The following PCDH15 variants were observed in gnomAD, a reference collection of about 807,000 sequenced individuals.
The protein encoded by PCDH15 is protocadherin related 15.
A neutral mutation model predicts 178.5 loss-of-function variants in PCDH15; 129 were observed. The ratio of observed to expected loss-of-function variants is 0.72; its 90% CI spans 0.63 to 0.84. PCDH15 has a LOEUF of 0.84. Among genes scored for constraint, PCDH15 ranks in the 40% least tolerant of loss-of-function variants. PCDH15 has a pLI of 0.00. For missense variants in PCDH15, 2,230 were observed against 2,099.9 expected (o/e 1.06, Z -1.21); for synonymous variants, 800 against 732.0 (o/e 1.09, Z -1.50).
At chr10:53,994,277 A>G (rs2091708256) in intron 21 of PCDH15, among the ~76,000 whole-genome samples, 1 of 152,138 alleles carries the variant, frequency 6.6e-6, no homozygotes, top group Non-Finnish European at 1.5e-5. Flanking sequence ...GCGACTTTTA[A>G]TCTCTCATCA....
At chr10:54,239,615 A>T (rs1338085618) in intron 8 of PCDH15, among the ~76,000 whole-genome samples, 1 of 152,036 alleles carries the variant, frequency 6.6e-6, no homozygotes, top group Non-Finnish European at 1.5e-5. Flanking sequence ...CATAGCCCGT[A>T]CTATTTGTTT....
intron 2 of PCDH15, among the ~76,000 whole-genome samples, chr10:54,927,072 A>T (rs1345984393): frequency 6.6e-6 from 1 of 151,994 alleles, no homozygotes; most frequent in Non-Finnish European, 1.5e-5. Context: ...TGATGTGAGC[A>T]TTTAGTACTA....
chr10:54,565,546 T>G (rs1438603048), intron 2 of PCDH15, among the ~76,000 whole-genome samples: 2 of 152,176 alleles, frequency 1.3e-5, no homozygotes, highest in Non-Finnish European at 2.9e-5. Flanking sequence ...TATTTCTGAA[T>G]GATGAAGACA....
chr10:54,503,366 T>C (rs539462868), intron 3 of PCDH15, among the ~76,000 whole-genome samples: 1 of 149,522 alleles, frequency 6.7e-6, no homozygotes, highest in Non-Finnish European at 1.5e-5. Flanking sequence ...AGAATATGTT[T>C]AATACGACAG....
intron 3 of PCDH15, among the ~76,000 whole-genome samples, chr10:54,433,681 A>G (rs933898694): frequency 5.3e-5 from 8 of 152,194 alleles, no homozygotes; most frequent in Admixed American, 5.2e-4. Flanking sequence ...AAATTTAAAA[A>G]TAACTAAAAA....
intron 2 of PCDH15, among the ~76,000 whole-genome samples, chr10:55,544,016 T>C (rs935936122): frequency 1.3e-5 from 2 of 150,708 alleles, no homozygotes; most frequent in Non-Finnish European, 3.0e-5. Flanking sequence ...GTATAAATAA[T>C]TGAGTCACTG....
rs537164325 is a variant in PCDH15, at chr10:55,177,086, G to C, written c.-155-10435C>G. On this transcript the variant is annotated intron_variant, in intron 1 of 5. Coordinates refer to the PCDH15 transcript ENST00000458638. Reference sequence around the variant, plus strand: ...CAAAATTTAAGGCTCGGCTCTATCAGACTTCAGTGAAGTACTTAGGTTTAG... The same window carrying C: ...CAAAATTTAAGGCTCGGCTCTATCACACTTCAGTGAAGTACTTAGGTTTAG... Among the ~76,000 whole-genome samples the C allele has an allele frequency of 9.9e-5, 15 of 152,282 alleles. No individual in the cohort carries two copies. In the South Asian group the frequency reaches 2.9e-3, roughly 29 times the overall value.
intron 1 of PCDH15, among the ~76,000 whole-genome samples, chr10:55,169,727 AT>A (rs1298148836): frequency 1.3e-5 from 2 of 152,216 alleles, no homozygotes; most frequent in Non-Finnish European, 2.9e-5. Flanking sequence ...GGTTGTAGGC[AT>A]TTATATTACT....
intron 2 of PCDH15, among the ~76,000 whole-genome samples, chr10:55,524,203 A>C (rs1029761487): frequency 2.0e-5 from 3 of 151,680 alleles, no homozygotes; most frequent in Admixed American, 6.6e-5. Context: ...TATAGAGTAA[A>C]TAATTCGGAA....
chr10:54,520,599 C>G (rs1177413498), intron 3 of PCDH15, among the ~76,000 whole-genome samples: 2 of 152,108 alleles, frequency 1.3e-5, no homozygotes, highest in East Asian at 1.9e-4. Context: ...AACAGGAACA[C>G]TTTTACACTG....
chr10:54,617,542 G>T (rs557701792), intron 2 of PCDH15, among the ~76,000 whole-genome samples: 306 of 152,008 alleles, frequency 2.0e-3, no homozygotes, highest in African/African-American at 6.6e-3. Flanking sequence ...GACTTCAATT[G>T]AGTGAGAAAA....
At chr10:54,613,697 G>C (rs1590525832) in intron 2 of PCDH15, among the ~76,000 whole-genome samples, 1 of 151,538 alleles carries the variant, frequency 6.6e-6, no homozygotes, top group South Asian at 2.1e-4. Context: ...CAGATTAACT[G>C]GTATTAAAAG....
At chr10:53,827,187 T>G (rs2076735224) in intron 32 of PCDH15, among the ~76,000 whole-genome samples, 1 of 152,150 alleles carries the variant, frequency 6.6e-6, no homozygotes, top group African/African-American at 2.4e-5. Context: ...TCTCTTAGCT[T>G]TCTTTAATTT....
intron 1 of PCDH15, among the ~76,000 whole-genome samples, chr10:54,799,828 T>G (rs2133693208): frequency 6.6e-6 from 1 of 152,108 alleles, no homozygotes; most frequent in African/African-American, 2.4e-5. Flanking sequence ...CTAAAGAAAC[T>G]AATAGTAAAA....
chr10:54,500,801 C>A (rs1421192803), intron 3 of PCDH15, among the ~76,000 whole-genome samples: 2 of 152,010 alleles, frequency 1.3e-5, no homozygotes, highest in African/African-American at 2.4e-5. Flanking sequence ...CCAGCCTGGG[C>A]AACAGAAGTG....
At chr10:54,255,983 C>G (rs2056866952) in intron 8 of PCDH15, among the ~76,000 whole-genome samples, 1 of 152,126 alleles carries the variant, frequency 6.6e-6, no homozygotes, top group Non-Finnish European at 1.5e-5. Context: ...AAATAAACAT[C>G]TGATAATTGA....
intron 3 of PCDH15, among the ~76,000 whole-genome samples, chr10:54,846,638 C>CT (rs1953523249): frequency 6.6e-6 from 1 of 152,028 alleles, no homozygotes; most frequent in Non-Finnish European, 1.5e-5. Context: ...TTTTCTTCTT[C>CT]TTTTTTTAAA....
chr10:55,580,659 G>A (rs756305503), intron 2 of PCDH15, among the ~76,000 whole-genome samples: 10 of 152,060 alleles, frequency 6.6e-5, no homozygotes, highest in African/African-American at 2.2e-4. Flanking sequence ...CACAGCGCCC[G>A]GCCATTACGA....
At position 53,988,931 on chromosome 10, in the gene PCDH15, C is replaced by G. The variant is rs188768074; in HGVS notation, c.2868+6718G>C. On this transcript the variant is annotated intron_variant, in intron 21 of 37. Coordinates refer to ENST00000644397, the MANE Select transcript of PCDH15 (RefSeq NM_001384140.1). Reference sequence around the variant, plus strand: ...AAAAAAACATGATTTCCAAATCAGCCCCTAGAATCAAAGAAAATTCGGAGA... The same window carrying G: ...AAAAAAACATGATTTCCAAATCAGCGCCTAGAATCAAAGAAAATTCGGAGA... Among the ~76,000 whole-genome samples the G allele has an allele frequency of 4.9e-4, 75 of 152,206 alleles. 1 individual carries two copies. Among genetic ancestry groups the G allele is most frequent in the African/African-American group, 1.8e-3 (74 of 41,498 alleles).
Sources: allele counts gnomAD v4.1 joint callset (sites outside exome capture counted in the v4.1 genomes callset), GRCh38; gene constraint gnomAD v4.1.1; transcripts MANE v1.5; gene names NCBI Gene and HGNC (gene_info 2026-07-23, HGNC 2026-07-21).